The following ZNF407 variants were observed in gnomAD, a reference collection of about 807,000 sequenced individuals.
The protein encoded by ZNF407 is zinc finger protein 407.
A neutral mutation model predicts 131.2 loss-of-function variants in ZNF407; 17 were observed. That is an observed-to-expected ratio of 0.13 (90% CI 0.09 to 0.19). The LOEUF is 0.19. Among genes scored for constraint, ZNF407 ranks in the 10% least tolerant of loss-of-function variants. ZNF407 has a pLI of 1.00. For synonymous variants in ZNF407, 1,156 were observed against 1,062.0 expected (o/e 1.09, Z -1.72); for missense variants, 2,681 against 2,830.6 (o/e 0.95, Z 1.20).
Position 74,999,706 on chromosome 18 carries a change from A to G in ZNF407, c.5429-63444A>G, listed in dbSNP as rs182086482. On this transcript the variant is annotated intron_variant, in intron 8 of 8. Coordinates refer to ENST00000299687, the MANE Select transcript of ZNF407 (RefSeq NM_017757.3). ...ATGCCCACAAAAAGAATAAATTTATATGAATATGAGTCACTTTAGGAAATA... is the reference window on the plus strand; with the variant it reads ...ATGCCCACAAAAAGAATAAATTTATGTGAATATGAGTCACTTTAGGAAATA... 1.2e-4 allele frequency among the ~76,000 whole-genome samples: 18 copies of G among 152,366 alleles called. 1 individual carries two copies. The highest frequency in any genetic ancestry group is 9.8e-4 in the Admixed American group (15 of 15,308).
intron 4 of ZNF407, among the ~76,000 whole-genome samples, chr18:74,823,892 A>G (rs1970374923): frequency 6.6e-6 from 1 of 152,210 alleles, no homozygotes. Flanking sequence ...TCTCCACCCC[A>G]AATCAACAGA....
intron 4 of ZNF407, among the ~76,000 whole-genome samples, chr18:74,862,049 T>C (rs998442069): frequency 1.3e-5 from 2 of 152,238 alleles, no homozygotes; most frequent in Non-Finnish European, 2.9e-5. Context: ...AGTATTTTCT[T>C]TGATACCCAC....
At chr18:75,030,707 G>A (rs192465365) in intron 8 of ZNF407, among the ~76,000 whole-genome samples, 54 of 152,280 alleles carry the variant, frequency 3.5e-4, no homozygotes, top group Non-Finnish European at 7.2e-4. Context: ...CATGCTGGGC[G>A]TGCTTCTGAG....
intron 7 of ZNF407, among the ~76,000 whole-genome samples, chr18:74,916,616 G>C (rs1377289534): frequency 9.4e-5 from 10 of 105,888 alleles, no homozygotes; most frequent in Non-Finnish European, 1.3e-4. Context: ...ATGCAGCATT[G>C]GTTCGAATCG....
In ZNF407 at chr18:74,762,094, A is replaced by G. The variant is rs578246064; in HGVS notation, c.4803-19334A>G. Among the ~76,000 whole-genome samples, 6 of 151,994 alleles carry G rather than the reference A, an allele frequency of 3.9e-5. No homozygotes were observed. The South Asian group carries it at 1.2e-3, about 32-fold the overall frequency. ...CTCTGAAACTTAGGCTTTTCCAGGT[A>G]GTTGCTTGACAGTGTTACCATCCCT... On this transcript the variant is annotated intron_variant, in intron 3 of 8. Coordinates refer to ENST00000299687, the MANE Select transcript of ZNF407 (RefSeq NM_017757.3).
intron 8 of ZNF407, among the ~76,000 whole-genome samples, chr18:75,000,610 A>G (rs1024219774): frequency 6.6e-5 from 10 of 152,222 alleles, no homozygotes; most frequent in Admixed American, 4.6e-4. Context: ...AGCAATAACT[A>G]TGCAAAAAAA....
At chr18:74,963,839 C>A (rs950263785) in intron 8 of ZNF407, among the ~76,000 whole-genome samples, 5 of 152,158 alleles carry the variant, frequency 3.3e-5, no homozygotes, top group African/African-American at 9.7e-5. Context: ...AGTGTTGCAA[C>A]AATTATCCCA....
At chr18:74,667,518 G>A (rs764713760) in intron 3 of ZNF407, among the ~76,000 whole-genome samples, 5 of 152,140 alleles carry the variant, frequency 3.3e-5, no homozygotes, top group East Asian at 1.9e-4. Flanking sequence ...TTGCGTACTC[G>A]TCTCTTATAT....
chr18:75,060,934 T>G (rs188283797), intron 8 of ZNF407, among the ~76,000 whole-genome samples: 133 of 152,348 alleles, frequency 8.7e-4, no homozygotes, highest in Non-Finnish European at 1.5e-3. Flanking sequence ...ACCGTGTTCC[T>G]CCAGCCTGAG....
At chr18:74,671,626 C>G (rs528434361) in intron 3 of ZNF407, among the ~76,000 whole-genome samples, 1 of 152,236 alleles carries the variant, frequency 6.6e-6, no homozygotes, top group Non-Finnish European at 1.5e-5. Context: ...GTTTTCTGTT[C>G]CTGCTGCGTT....
intron 3 of ZNF407, among the ~76,000 whole-genome samples, chr18:74,647,596 C>T (rs975644259): frequency 2.0e-5 from 3 of 152,184 alleles, no homozygotes; most frequent in Non-Finnish European, 2.9e-5. Flanking sequence ...CTGTTTCTTA[C>T]AGTCCTTTAC....
chr18:74,898,534 TTTCTC>T (rs1160467410), intron 7 of ZNF407: 1 of 152,224 alleles, frequency 6.6e-6, no homozygotes, highest in Non-Finnish European at 1.5e-5. Flanking sequence ...ACCTGATACT[TTTCTC>T]TGTGGAGAAT....
At chr18:74,876,848 T>C (rs1568251447) in intron 4 of ZNF407, among the ~76,000 whole-genome samples, 1 of 152,238 alleles carries the variant, frequency 6.6e-6, no homozygotes, top group African/African-American at 2.4e-5. Flanking sequence ...TGGTTGAGTA[T>C]GGATAGCATT....
At chr18:74,646,418 A>G (rs1006871778) in intron 3 of ZNF407, among the ~76,000 whole-genome samples, 2 of 152,192 alleles carry the variant, frequency 1.3e-5, no homozygotes, top group Non-Finnish European at 2.9e-5. Context: ...TTTGTAAAAA[A>G]TATTTAGATT....
Position 74,633,363 on chromosome 18 carries a change from G to A in ZNF407, c.2344G>A (p.Ala782Thr), listed in dbSNP as rs1568134185. 2 of 1,613,924 alleles carry A rather than the reference G, an allele frequency of 1.2e-6. No homozygotes were observed. The highest frequency in any genetic ancestry group is 1.7e-6 in the Non-Finnish European group (2 of 1,179,898). The stretch of plus-strand genomic sequence containing the variant: ...ATGTATTGAAAGGGTATGTATAGGT[G>A]CAAATGATAAAAAAGAAGAGTTTGA... ...EECIERVCIG[A>T]NDKKEEFDVS... The change falls in exon 2 of 9, where the codon GCA becomes ACA. Residue 782 changes from alanine (A) to threonine (T), a missense_variant. Coordinates refer to ENST00000299687, the MANE Select transcript of ZNF407 (RefSeq NM_017757.3).
chr18:74,841,187 G>T (rs1454190994), intron 4 of ZNF407, among the ~76,000 whole-genome samples: 1 of 152,184 alleles, frequency 6.6e-6, no homozygotes, highest in Non-Finnish European at 1.5e-5. Context: ...GCTCTTATAA[G>T]GTGGGCCAAT....
At chr18:74,660,235 G>T (rs942875469) in intron 3 of ZNF407, among the ~76,000 whole-genome samples, 2 of 152,092 alleles carry the variant, frequency 1.3e-5, no homozygotes, top group Non-Finnish European at 2.9e-5. Flanking sequence ...AGGGCTGTGG[G>T]TAAACATAGA....
chr18:74,693,247 G>C (rs1301643204), intron 3 of ZNF407, among the ~76,000 whole-genome samples: 1 of 152,138 alleles, frequency 6.6e-6, no homozygotes, highest in Admixed American at 6.6e-5. Flanking sequence ...TTTCTGATGG[G>C]CTCGAGAAAA....
chr18:74,786,612 G>C (rs1969717502), intron 4 of ZNF407, among the ~76,000 whole-genome samples: 1 of 151,688 alleles, frequency 6.6e-6, no homozygotes, highest in Non-Finnish European at 1.5e-5. Context: ...TTCCATTCTG[G>C]GTTGCTTATT....
Sources: allele counts gnomAD v4.1 joint callset (sites outside exome capture counted in the v4.1 genomes callset), GRCh38; gene constraint gnomAD v4.1.1; transcripts MANE v1.5; gene names NCBI Gene and HGNC (gene_info 2026-07-23, HGNC 2026-07-21).